PDE11A: variants seen among roughly 807,000 people sequenced by gnomAD.
The protein encoded by PDE11A is dual 3',5'-cyclic-AMP and -GMP phosphodiesterase 11A.
A neutral mutation model predicts 100.5 loss-of-function variants in PDE11A; 100 were observed. The observed-to-expected ratio is 1.00, with a 90% confidence interval of 0.85 to 1.18. The LOEUF (loss-of-function observed/expected upper bound fraction) is 1.18, where lower values mean the gene tolerates loss of function less well. Among genes scored for constraint, PDE11A ranks in the 50% most tolerant of loss-of-function variants. The pLI, the probability that PDE11A is intolerant of heterozygous loss-of-function variation, is 0.00. For missense variants in PDE11A, 1,141 were observed against 1,152.6 expected (o/e 0.99, Z 0.15); for synonymous variants, 381 against 420.8 (o/e 0.91, Z 1.16).
intron 19 of PDE11A, among the ~76,000 whole-genome samples, chr2:177,660,886 CA>C (rs1193718926): frequency 6.6e-6 from 1 of 152,198 alleles, no homozygotes; most frequent in Non-Finnish European, 1.5e-5. Flanking sequence ...AAAGCTGTAC[CA>C]AAACCATATG....
intron 4 of PDE11A, among the ~76,000 whole-genome samples, chr2:177,887,823 T>C (rs2084465961): frequency 6.6e-6 from 1 of 152,078 alleles, no homozygotes; most frequent in Non-Finnish European, 1.5e-5. Context: ...GAAAAGAAGT[T>C]TCTCTTTCTT....
intron 14 of PDE11A, 112 bp downstream of exon 14, chr2:177,701,009 T>C: frequency 1.3e-6 from 1 of 743,806 alleles, no homozygotes; most frequent in Non-Finnish European, 2.5e-6. Context: ...GACTTAGAAA[T>C]GGTTTTCCCA....
In PDE11A at chr2:177,660,153, CT is replaced by C. The variant is rs551823450; in HGVS notation, c.2646+3712del. ...TTTCATTCCTTCTCTCTCTTTCTTT[CT>C]TCTCTCTCTCTCTCTCCTTCTCTGT... On this transcript the variant is annotated intron_variant, in intron 19 of 19. Coordinates refer to ENST00000286063, the MANE Select transcript of PDE11A (RefSeq NM_016953.4). Among the ~76,000 whole-genome samples, 125 of 52,928 alleles carry C rather than the reference CT, an allele frequency of 2.4e-3. 8 individuals are homozygous for C. Among genetic ancestry groups the C allele is most frequent in the African/African-American group, 5.7e-3 (120 of 21,086 alleles). The allele number at this position is 52,928 out of a possible 152,430, so 34.7% of individuals were successfully genotyped here. A position where few individuals can be genotyped will look rare whatever the true frequency, so the allele number is the denominator to read the frequency against.
chr2:178,006,829 G>T (rs1043310722), intron 2 of PDE11A, among the ~76,000 whole-genome samples: 6 of 151,078 alleles, frequency 4.0e-5, no homozygotes, highest in Middle Eastern at 3.4e-3. Flanking sequence ...AACAAGGGGG[G>T]GGGGGGAAGC....
chr2:177,916,729 TTTTTATTTTA>T (rs143421590), intron 2 of PDE11A, among the ~76,000 whole-genome samples: 2 of 149,276 alleles, frequency 1.3e-5, no homozygotes, highest in African/African-American at 4.9e-5. Context: ...TTGAAGGTTC[TTTTTATTTTA>T]TTTTATTTTA....
At chr2:177,643,015 C>T (rs984907807) in intron 19 of PDE11A, among the ~76,000 whole-genome samples, 2 of 152,188 alleles carry the variant, frequency 1.3e-5, no homozygotes, top group Non-Finnish European at 1.5e-5. Context: ...GACTGTGAGG[C>T]CTCCCCAGCC....
intron 4 of PDE11A, among the ~76,000 whole-genome samples, chr2:177,893,302 T>G (rs370002548): frequency 2.0e-5 from 3 of 152,190 alleles, no homozygotes; most frequent in Non-Finnish European, 4.4e-5. Flanking sequence ...TTCATCTATT[T>G]ATTGATTGAT....
At chr2:177,995,650 A>ACC (rs56807805) in intron 2 of PDE11A, among the ~76,000 whole-genome samples, 12 of 150,674 alleles carry the variant, frequency 8.0e-5, no homozygotes, top group South Asian at 2.1e-4. Context: ...AACACCACCC[A>ACC]CCCCGCATCT....
At chr2:177,776,533 G>GC (rs962541415) in intron 9 of PDE11A, among the ~76,000 whole-genome samples, 1 of 151,972 alleles carries the variant, frequency 6.6e-6, no homozygotes, top group Non-Finnish European at 1.5e-5. Context: ...GGGGAATTGT[G>GC]CCCCCCAATC....
At position 177,864,236 on chromosome 2, in the gene PDE11A, C is replaced by T. The variant is rs114070266; in HGVS notation, c.1367+11623G>A. Among the ~76,000 whole-genome samples the T allele has an allele frequency of 7.2e-3, 1,091 of 152,030 alleles. 10 individuals carry two copies. Among genetic ancestry groups the T allele is most frequent in the African/African-American group, 0.024 (1,015 of 41,442 alleles). ...ATAGGGAGATGTAGGTCGGAGGATA[C>T]AAAGTAGCAGATATGTAGGATGAAC... is the stretch of plus-strand genomic sequence containing the variant. On this transcript the variant is annotated intron_variant, in intron 5 of 19. Coordinates refer to ENST00000286063, the MANE Select transcript of PDE11A (RefSeq NM_016953.4).
intron 2 of PDE11A, among the ~76,000 whole-genome samples, chr2:177,946,002 T>G: frequency 7.3e-6 from 1 of 136,124 alleles, no homozygotes; most frequent in African/African-American, 2.8e-5. Flanking sequence ...AGGAGGGAGA[T>G]GGGGGGTCAG....
At position 178,105,236 on chromosome 2, in the gene PDE11A, C is replaced by A. The variant is rs181753433; in HGVS notation, c.-13-760G>T. ...CAGCACTTTGGGAGGCCAAGGCGGG[C>A]AAATCACAAGGTCAGGAGTTCGAGA... On this transcript the variant is annotated intron_variant, in intron 1 of 20. Coordinates refer to the PDE11A transcript ENST00000358450. Among the ~76,000 whole-genome samples, 11 of 152,198 alleles carry A rather than the reference C, an allele frequency of 7.2e-5. No individual in the cohort carries two copies. In the East Asian group the frequency reaches 2.1e-3, roughly 29 times the overall value.
intron 5 of PDE11A, among the ~76,000 whole-genome samples, chr2:177,862,657 A>G (rs1443128711): frequency 6.6e-6 from 1 of 151,938 alleles, no homozygotes; most frequent in Non-Finnish European, 1.5e-5. Context: ...ACTGAAAACT[A>G]TAAATCACTG....
intron 6 of PDE11A, among the ~76,000 whole-genome samples, chr2:177,825,589 G>A (rs2083215574): frequency 6.6e-6 from 1 of 152,154 alleles, no homozygotes; most frequent in African/African-American, 2.4e-5. Context: ...TGCAGGGGCT[G>A]GAGGAAAAGG....
chr2:177,901,276 C>T (rs576084602), intron 3 of PDE11A, among the ~76,000 whole-genome samples: 52 of 152,142 alleles, frequency 3.4e-4, no homozygotes, highest in African/African-American at 1.2e-3. Flanking sequence ...TAACTCAGGG[C>T]AAGAGGACAG....
At chr2:177,765,101 C>A (rs1384506223) in intron 10 of PDE11A, among the ~76,000 whole-genome samples, 1 of 152,160 alleles carries the variant, frequency 6.6e-6, no homozygotes, top group East Asian at 1.9e-4. Flanking sequence ...ATTCTCCCAC[C>A]CATCACTACT....
intron 5 of PDE11A, among the ~76,000 whole-genome samples, chr2:177,858,335 T>C (rs1055023732): frequency 1.2e-4 from 18 of 151,906 alleles, no homozygotes; most frequent in Non-Finnish European, 2.2e-4. Context: ...AGAAAATTTT[T>C]GCAATCTACT....
At chr2:177,706,192 T>C (rs886279603) in intron 13 of PDE11A, among the ~76,000 whole-genome samples, 4 of 152,242 alleles carry the variant, frequency 2.6e-5, no homozygotes, top group African/African-American at 9.6e-5. Flanking sequence ...CACTTTTTAT[T>C]GTAGAGGCAT....
Position 178,050,675 on chromosome 2 carries a change from G to A in PDE11A, c.912+20851C>T, listed in dbSNP as rs186621051. 5.9e-5 allele frequency among the ~76,000 whole-genome samples: 9 copies of A among 152,302 alleles called. No individual in the cohort carries two copies. The East Asian group carries it at 9.6e-4, about 16-fold the overall frequency. On this transcript the variant is annotated intron_variant, in intron 1 of 19. Coordinates refer to ENST00000286063, the MANE Select transcript of PDE11A (RefSeq NM_016953.4). ...AGAAGACCTTAAATGACCTGATGGAGCTGAAAACCATGGCACGAGAACTAC... is the reference window on the plus strand; with the variant it reads ...AGAAGACCTTAAATGACCTGATGGAACTGAAAACCATGGCACGAGAACTAC...
Sources: gnomAD v4.1 joint callset for allele counts (sites outside exome capture counted in the v4.1 genomes callset) on GRCh38, gnomAD v4.1.1 for gene constraint, MANE v1.5 for transcripts, NCBI Gene and HGNC (gene_info 2026-07-23, HGNC 2026-07-21) for gene names.